RBM6: variants seen among roughly 807,000 people sequenced by gnomAD.
The protein encoded by RBM6 is RNA-binding protein 6.
RBM6 carries 23 observed loss-of-function variants against 140.4 expected under a neutral mutation model. That is an observed-to-expected ratio of 0.16 (90% CI 0.12 to 0.23). The LOEUF is 0.23. RBM6 is among the 10% of genes least tolerant of loss of function. RBM6 has a pLI of 1.00. For missense variants in RBM6, 1,139 were observed against 1,386.7 expected (o/e 0.82, Z 2.84); for synonymous variants, 439 against 475.6 (o/e 0.92, Z 1.00).
intron 1 of RBM6, among the ~76,000 whole-genome samples, chr3:49,955,165 T>C (rs1366618004): frequency 9.2e-6 from 1 of 108,472 alleles, no homozygotes; most frequent in Non-Finnish European, 1.9e-5. Flanking sequence ...TCTTTCTTTT[T>C]TTTTTTTTTT....
chr3:49,972,158 G>A lies in RBM6; in HGVS notation c.1413+10G>A, dbSNP rs780636826. On this transcript the variant is annotated intron_variant, in intron 4 of 20. Transcript: ENST00000266022. ...TGCCACAAAAGAAGAGGTAAGGCAT[G>A]TCTTCTCTCCTGTTTCTCTGTGTCA... The A allele has an allele frequency of 1.3e-6, 2 of 1,577,498 alleles. No individual in the cohort carries two copies. The highest frequency in any genetic ancestry group is 2.2e-5 in the East Asian group (1 of 44,680).
In RBM6 at chr3:49,967,768, T is replaced by C. The variant is rs1458578050; in HGVS notation, c.343T>C (p.Phe115Leu). Reference sequence around the variant, plus strand: ...GAGCAGAGATTCATCACAGTTGGACTTCAGGGGTAGGGACATACATTCTGG... The same window carrying C: ...GAGCAGAGATTCATCACAGTTGGACCTCAGGGGTAGGGACATACATTCTGG... ...FQSRDSSQLD[F>L]RGRDIHSGDF... The change falls in exon 3 of 21, where the codon TTC becomes CTC. Residue 115 changes from phenylalanine to leucine, a missense_variant. Coordinates refer to ENST00000266022, the MANE Select transcript of RBM6 (RefSeq NM_005777.3). This position sits in a 1 kb window ranked among gnomAD's most constrained non-coding sequence, Gnocchi z 4.0. 2 of 1,613,996 alleles carry C rather than the reference T, an allele frequency of 1.2e-6. No individual in the cohort carries two copies. Among genetic ancestry groups the C allele is most frequent in the African/African-American group, 1.3e-5 (1 of 74,892 alleles).
rs370111086 is a variant in RBM6 at position 49,942,212 on chromosome 3, A to G, written c.-67+1987A>G. 1.1e-4 allele frequency among the ~76,000 whole-genome samples: 17 copies of G among 152,162 alleles called. No individual in the cohort carries two copies. The East Asian group carries it at 2.1e-3, about 19-fold the overall frequency. ...CCATTGTTAAGTATACAATTCAGCC[A>G]GGCACGGTGGCTCACGCCTGTAATC... On this transcript the variant is annotated intron_variant, in intron 1 of 20. Coordinates refer to ENST00000266022, the MANE Select transcript of RBM6 (RefSeq NM_005777.3).
intron 6 of RBM6, among the ~76,000 whole-genome samples, chr3:50,039,808 A>G (rs1575776618): frequency 6.6e-6 from 1 of 152,216 alleles, no homozygotes; most frequent in Non-Finnish European, 1.5e-5. Flanking sequence ...TCTTTATGAT[A>G]GAGTCTTGTC....
At chr3:50,059,186 A>G (rs1334353758) in intron 10 of RBM6, among the ~76,000 whole-genome samples, 2 of 152,200 alleles carry the variant, frequency 1.3e-5, no homozygotes, top group Non-Finnish European at 2.9e-5. Flanking sequence ...CCAGCCACAG[A>G]TGGTTTTATA....
chr3:50,019,536 A>T (rs550996117), intron 6 of RBM6, among the ~76,000 whole-genome samples: 1 of 150,736 alleles, frequency 6.6e-6, no homozygotes, highest in African/African-American at 2.4e-5. Context: ...TTTTCTTCCT[A>T]TAGAGATAGG....
intron 5 of RBM6, among the ~76,000 whole-genome samples, chr3:49,992,106 G>A (rs1021328336): frequency 1.3e-5 from 2 of 151,816 alleles, no homozygotes; most frequent in Non-Finnish European, 1.5e-5. Context: ...TGTGTACCAC[G>A]ACACCTGGCT....
rs1275873463 is a variant in RBM6 at position 50,020,031 on chromosome 3, ATC to A, written c.1557+20521_1557+20522del. The stretch of plus-strand genomic sequence containing the variant: ...GTTCCTCAGCTCAAGCAACTTTCCC[ATC>A]TCAGCTTTCCAAGTAGCTAGGACTA... On this transcript the variant is annotated intron_variant, in intron 6 of 20. Coordinates refer to ENST00000266022, the MANE Select transcript of RBM6 (RefSeq NM_005777.3). 2.0e-5 allele frequency among the ~76,000 whole-genome samples: 3 copies of A among 151,396 alleles called. No individual in the cohort carries two copies. The East Asian group carries it at 5.8e-4, about 29-fold the overall frequency.
chr3:49,998,811 T>C (rs1408093807), intron 5 of RBM6, among the ~76,000 whole-genome samples: 4 of 152,206 alleles, frequency 2.6e-5, no homozygotes, highest in African/African-American at 7.2e-5. Context: ...ACCTTCTTCC[T>C]TTTATAAAGA....
chr3:50,062,502 CAAA>C (rs750652866), intron 15 of RBM6, among the ~76,000 whole-genome samples: 2 of 121,150 alleles, frequency 1.7e-5, no homozygotes, highest in East Asian at 2.5e-4. Context: ...GACTCTGTAT[CAAA>C]AAAAAAAAAA....
chr3:49,941,940 A>C (rs1437806686), intron 1 of RBM6, among the ~76,000 whole-genome samples: 4 of 106,564 alleles, frequency 3.8e-5, no homozygotes, highest in Non-Finnish European at 7.1e-5. Flanking sequence ...AAAAAATACA[A>C]AAAAAAAAAA....
intron 6 of RBM6, among the ~76,000 whole-genome samples, chr3:50,014,434 G>C (rs1053055305): frequency 1.3e-5 from 2 of 152,192 alleles, no homozygotes; most frequent in South Asian, 2.1e-4. Flanking sequence ...CACATATTTG[G>C]CAGCAATTAC....
At chr3:49,965,677 A>G (rs1420021753) in intron 2 of RBM6, among the ~76,000 whole-genome samples, 1 of 151,910 alleles carries the variant, frequency 6.6e-6, no homozygotes, top group Non-Finnish European at 1.5e-5. Context: ...CTCAAAAAAA[A>G]AAAAAAGAAG....
intron 6 of RBM6, among the ~76,000 whole-genome samples, chr3:50,022,168 C>T (rs1307747865): frequency 6.6e-6 from 1 of 152,028 alleles, no homozygotes; most frequent in Non-Finnish European, 1.5e-5. Flanking sequence ...CACTTGTCTC[C>T]CCTGCCTTCC....
intron 6 of RBM6, among the ~76,000 whole-genome samples, chr3:50,018,175 T>C (rs990025109): frequency 6.6e-6 from 1 of 152,206 alleles, no homozygotes; most frequent in Non-Finnish European, 1.5e-5. Context: ...TTTCTCCACC[T>C]GTTTGTTCTT....
At chr3:50,033,336 G>A (rs1343448460) in intron 6 of RBM6, among the ~76,000 whole-genome samples, 1 of 152,058 alleles carries the variant, frequency 6.6e-6, no homozygotes, top group Non-Finnish European at 1.5e-5. Context: ...CCTCACATAT[G>A]TACAGTGGTA....
intron 6 of RBM6, among the ~76,000 whole-genome samples, chr3:50,032,448 C>T (rs1235610038): frequency 1.4e-5 from 2 of 146,752 alleles, no homozygotes; most frequent in Non-Finnish European, 3.0e-5. Context: ...CGTGCCATTG[C>T]GCTCCAGCCT....
chr3:50,052,986 G>GGTGTGT lies in RBM6; in HGVS notation c.1633-1304_1633-1299dup, dbSNP rs57244510. Among the ~76,000 whole-genome samples, 981 of 134,728 alleles carry GGTGTGT rather than the reference G, an allele frequency of 7.3e-3. 6 individuals are homozygous for GGTGTGT. Among genetic ancestry groups the GGTGTGT allele is most frequent in the Middle Eastern group, 0.011 (3 of 264 alleles). 88.4% of individuals were successfully genotyped at this position (134,728 alleles called of 152,430 possible). A position where few individuals can be genotyped will look rare whatever the true frequency, so the allele number is the denominator to read the frequency against. ...TAACAGCCATTTGGCAGTGGGCAGGGGTGTGTGTGTGTGTGTGTGTGTGTG... is the reference window on the plus strand; with the variant it reads ...TAACAGCCATTTGGCAGTGGGCAGGGGTGTGTGTGTGTGTGTGTGTGTGTGTGTGTG... On this transcript the variant is annotated intron_variant, in intron 7 of 20. Coordinates refer to ENST00000266022, the MANE Select transcript of RBM6 (RefSeq NM_005777.3).
At chr3:50,068,928 G>A (rs577879698) in intron 18 of RBM6, among the ~76,000 whole-genome samples, 164 bp downstream of exon 18, 1 of 152,210 alleles carries the variant, frequency 6.6e-6, no homozygotes, top group African/African-American at 2.4e-5. Context: ...ATCAAAATAG[G>A]TGCTTTTTAT....
Sources: allele counts gnomAD v4.1 joint callset (sites outside exome capture counted in the v4.1 genomes callset), GRCh38; gene constraint gnomAD v4.1.1; non-coding constraint Gnocchi (gnomAD v3.1); transcripts MANE v1.5; gene names NCBI Gene and HGNC (gene_info 2026-07-23, HGNC 2026-07-21).